The following OTOG variants were observed in gnomAD, a reference collection of about 807,000 sequenced individuals.
OTOG encodes otogelin.
A neutral mutation model predicts 313.8 loss-of-function variants in OTOG; 296 were observed. That is an observed-to-expected ratio of 0.94 (90% CI 0.86 to 1.04). The LOEUF is 1.04. Among genes scored for constraint, OTOG ranks in the 50% least tolerant of loss-of-function variants. The probability of loss-of-function intolerance (pLI) is 0.00; values close to 1 mark genes in which losing one functional copy is unlikely to be tolerated. For synonymous variants in OTOG, 1,533 were observed against 1,554.9 expected (o/e 0.99, Z 0.33); for missense variants, 3,948 against 3,840.1 (o/e 1.03, Z -0.74).
intron 6 of OTOG, among the ~76,000 whole-genome samples, chr11:17,553,964 T>A (rs1465624107): frequency 2.0e-5 from 3 of 152,196 alleles, no homozygotes; most frequent in Non-Finnish European, 4.4e-5. Flanking sequence ...TCCTGTTTAT[T>A]CGGAAGGATG....
chr11:17,630,632 A>G (rs1854099120), intron 40 of OTOG, among the ~76,000 whole-genome samples: 1 of 152,236 alleles, frequency 6.6e-6, no homozygotes, highest in South Asian at 2.1e-4. Flanking sequence ...AAAGAAAATG[A>G]GTCTTTGCAC....
Position 17,639,446 on chromosome 11 carries a change from G to C in OTOG, c.7918G>C (p.Val2640Leu). 1 of 1,550,690 alleles carries C rather than the reference G, an allele frequency of 6.4e-7. No individual in the cohort carries two copies. The highest frequency in any genetic ancestry group is 8.7e-7 in the Non-Finnish European group (1 of 1,147,022). The stretch of plus-strand genomic sequence containing the variant: ...AGAATGTGACTGTGACACAATCCCG[G>C]TGCCCCGGTGCCATCTGGTATGGAG... ...SCECDCDTIP[V>L]PRCHLWEKSQ... The change falls in exon 49 of 56, where the codon GTG becomes CTG. Residue 2640 changes from valine (V) to leucine (L), a missense_variant. Physicochemically the swap from Val to Leu is conservative, Grantham distance 32. Transcript: ENST00000399397.
At chr11:17,612,412 C>T (rs1333538353) in intron 37 of OTOG, 82 bp downstream of exon 37, 2 of 1,451,474 alleles carry the variant, frequency 1.4e-6, no homozygotes, top group African/African-American at 2.8e-5. Flanking sequence ...ATCTGTGTGT[C>T]CCAGACTCCC....
chr11:17,603,923 G>A (rs747386767), intron 32 of OTOG, among the ~76,000 whole-genome samples: 2 of 152,108 alleles, frequency 1.3e-5, no homozygotes, highest in South Asian at 2.1e-4. Flanking sequence ...ATAATCATAC[G>A]TTGCCCTTCT....
At chr11:17,600,906 G>A (rs1853233726) in intron 31 of OTOG, among the ~76,000 whole-genome samples, 1 of 152,072 alleles carries the variant, frequency 6.6e-6, no homozygotes, top group Non-Finnish European at 1.5e-5. Flanking sequence ...CATTTGCTCT[G>A]GTCCGGGCCC....
At chr11:17,553,279 G>A in intron 5 of OTOG, 68 bp downstream of exon 5, 5 of 1,529,482 alleles carry the variant, frequency 3.3e-6, no homozygotes, top group South Asian at 1.2e-5. Context: ...GAGAAAGGGA[G>A]CAGCACTTCC....
chr11:17,626,166 G>T (rs1853979816), intron 39 of OTOG, among the ~76,000 whole-genome samples: 1 of 151,974 alleles, frequency 6.6e-6, no homozygotes, highest in Non-Finnish European at 1.5e-5. Context: ...CTATATGTCT[G>T]TTTCTTTGTT....
At position 17,555,810 on chromosome 11, in the gene OTOG, C is replaced by T; in HGVS notation, c.572C>T (p.Pro191Leu). The T allele has an allele frequency of 6.4e-7, 1 of 1,550,658 alleles. No individual in the cohort carries two copies. The highest frequency in any genetic ancestry group is 1.2e-5 in the South Asian group (1 of 84,064). The change falls in exon 7 of 56, where the codon CCC becomes CTC. Residue 191 changes from proline (P) to leucine (L), a missense_variant. Coordinates refer to ENST00000399397, the MANE Select transcript of OTOG (RefSeq NM_001292063.2). ...VHNDPQCGSS[P>L]YTCSRAVSLF... ...AATGACCCGCAGTGTGGCTCTTCAC[C>T]CTACACCTGCTCCAGGGCTGTCAGC...
At chr11:17,571,839 C>T (rs1852411109) in intron 17 of OTOG, among the ~76,000 whole-genome samples, 1 of 151,986 alleles carries the variant, frequency 6.6e-6, no homozygotes, top group Non-Finnish European at 1.5e-5. Context: ...CTGTGTGGAC[C>T]ACTTTGGCTA....
At position 17,641,896 on chromosome 11, in the gene OTOG, G is replaced by A. The variant is rs1331250187; in HGVS notation, c.8240G>A (p.Cys2747Tyr). 2.6e-6 allele frequency: 4 copies of A among 1,550,354 alleles called. No individual in the cohort carries two copies. In the South Asian group the frequency reaches 3.6e-5, roughly 14 times the overall value. Residue 2747 changes from cysteine (C) to tyrosine (Y), a missense_variant, in exon 52 of 56, where the codon TGC (cysteine) becomes TAC (tyrosine). Physicochemically the swap from Cys to Tyr is radical, Grantham distance 194. Transcript: ENST00000399397. ...GACCTCGCTGCCTGCTGCGGCTCCT[G>A]CAGGAACGTGTCCTGTCTCTTCACC... ...PRDLAACCGS[C>Y]RNVSCLFTFP...
In OTOG at chr11:17,641,908, C is replaced by T. The variant is rs201728749; in HGVS notation, c.8252C>T (p.Ser2751Phe). 131 of 1,550,198 alleles carry T rather than the reference C, an allele frequency of 8.5e-5. No individual in the cohort carries two copies. Among genetic ancestry groups the T allele is most frequent in the Middle Eastern group, 5.0e-4 (3 of 6,012 alleles). ...TGCTGCGGCTCCTGCAGGAACGTGTCCTGTCTCTTCACCTTCCCCAATGGC... is the reference window on the plus strand; with the variant it reads ...TGCTGCGGCTCCTGCAGGAACGTGTTCTGTCTCTTCACCTTCCCCAATGGC... Reference protein sequence around the residue: ...AACCGSCRNVSCLFTFPNGTT... With the variant: ...AACCGSCRNVFCLFTFPNGTT... Residue 2751 changes from serine (S) to phenylalanine (F), a missense_variant, in exon 52 of 56, where the codon TCC becomes TTC. Physicochemically the swap from Ser to Phe is radical, Grantham distance 155. Coordinates refer to ENST00000399397, the MANE Select transcript of OTOG (RefSeq NM_001292063.2).
rs1165132120 is a variant in OTOG, at chr11:17,611,285, G to A, written c.5985G>A (p.Gly1995=). 6.4e-7 allele frequency: 1 copy of A among 1,550,556 alleles called. No homozygotes were observed. The highest frequency in any genetic ancestry group is 2.0e-5 in the Admixed American group (1 of 51,008). Residue 1995 remains glycine, a synonymous_variant, in exon 36 of 56, where the codon GGG becomes GGA. Coordinates refer to ENST00000399397, the MANE Select transcript of OTOG (RefSeq NM_001292063.2). ...QLAEAHGTSA[G]PHLAAEPVDE... ...CTGAGGCCCATGGAACCTCGGCAGG[G>A]CCTCACCTGGCAGCAGAGCCGGTGG...
intron 53 of OTOG, 146 bp downstream of exon 53, chr11:17,642,392 T>G: frequency 8.7e-7 from 1 of 1,147,628 alleles, no homozygotes; most frequent in Non-Finnish European, 1.2e-6. Context: ...TCCATATGTC[T>G]CTCTGCATTT....
At chr11:17,596,223 A>T in intron 29 of OTOG, 69 bp downstream of exon 29, 1 of 1,118,928 alleles carries the variant, frequency 8.9e-7, no homozygotes, top group East Asian at 2.6e-5. Context: ...TTCAGCTCTC[A>T]GACTCCCCCA....
intron 39 of OTOG, among the ~76,000 whole-genome samples, chr11:17,616,236 G>C (rs1017804441): frequency 1.1e-4 from 17 of 151,896 alleles, no homozygotes; most frequent in African/African-American, 4.1e-4. Context: ...TTTTAATTTT[G>C]TATAGAGATG....
chr11:17,552,558 T>TCCTGTGTCCCTCACCTGA (rs1851962489), intron 4 of OTOG, among the ~76,000 whole-genome samples: 1 of 149,864 alleles, frequency 6.7e-6, no homozygotes, highest in African/African-American at 2.5e-5. Context: ...CCCCCACCTG[T>TCCTGTGTCCCTCACCTGA]CCTGTGTCCC....
At position 17,634,272 on chromosome 11, in the gene OTOG, ACTGT is replaced by A. The variant is rs1854205941; in HGVS notation, c.7476_7479del (p.Cys2495ThrfsTer54). 6.5e-7 allele frequency: 1 copy of A among 1,550,294 alleles called. No individual in the cohort carries two copies. Among genetic ancestry groups the A allele is most frequent in the African/African-American group, 1.4e-5 (1 of 73,148 alleles). ...CACCAAGGACCCCTGCTGCCTGGGG[ACTGT>A]CTGTGGTGAGTGTCCACCTTCACTT... is the stretch of plus-strand genomic sequence containing the variant. On this transcript the variant is annotated frameshift_variant, in exon 44 of 56. Transcript: ENST00000399397. LOFTEE classifies it high-confidence loss of function.
intron 43 of OTOG, 57 bp from the exon 44 acceptor site, chr11:17,634,012 G>T: frequency 3.3e-6 from 5 of 1,507,700 alleles, no homozygotes; most frequent in Non-Finnish European, 4.4e-6. Context: ...AGTCTAGCCT[G>T]GGAAGGTCTG....
intron 15 of OTOG, among the ~76,000 whole-genome samples, chr11:17,562,317 T>G (rs958992049): frequency 6.6e-6 from 1 of 151,624 alleles, no homozygotes; most frequent in African/African-American, 2.4e-5. Context: ...TCCCATATTT[T>G]ATGTGTCTTC....
Sources: gnomAD v4.1 joint callset for allele counts (sites outside exome capture counted in the v4.1 genomes callset) on GRCh38, gnomAD v4.1.1 for gene constraint, MANE v1.5 for transcripts, NCBI Gene and HGNC (gene_info 2026-07-23, HGNC 2026-07-21) for gene names.